LIMK1: variants seen among roughly 807,000 people sequenced by gnomAD.
LIMK1 encodes LIM domain kinase 1.
LIMK1 carries 21 observed loss-of-function variants against 77.6 expected under a neutral mutation model. The observed-to-expected ratio is 0.27, with a 90% CI of 0.19 to 0.39. The LOEUF (loss-of-function observed/expected upper bound fraction) is 0.39, where lower values mean the gene tolerates loss of function less well. Among genes scored for constraint, LIMK1 ranks in the 10% least tolerant of loss-of-function variants. LIMK1 has a pLI of 1.00. For missense variants in LIMK1, 696 were observed against 901.6 expected (o/e 0.77, Z 2.92); for synonymous variants, 358 against 370.0 (o/e 0.97, Z 0.37).
At chr7:74,086,076 C>T (rs782607490) in intron 2 of LIMK1, among the ~76,000 whole-genome samples, 5 of 152,328 alleles carry the variant, frequency 3.3e-5, no homozygotes, top group South Asian at 4.1e-4. Context: ...GACGGAGTCT[C>T]GCTCTGTCAC....
In LIMK1 at chr7:74,085,946, C is replaced by T. The variant is rs75180771; in HGVS notation, c.152+102C>T. ...GAGGCCGGGATATGCCTCCTGGTGC[C>T]GTCCCCTATTGTGACTTCGTGGCCT... On this transcript the variant is annotated intron_variant, in intron 2 of 15. Coordinates refer to ENST00000336180, the MANE Select transcript of LIMK1 (RefSeq NM_002314.4). 2,279 of 822,810 alleles carry T rather than the reference C, an allele frequency of 2.8e-3. 38 individuals carry two copies. In the African/African-American group the frequency reaches 0.033, roughly 12 times the overall value. 51.0% of individuals were successfully genotyped at this position (822,810 alleles called of 1,614,324 possible). A position where few individuals can be genotyped will look rare whatever the true frequency, so the allele number is the denominator to read the frequency against.
chr7:74,091,067 C>A (rs1218121022), intron 2 of LIMK1, among the ~76,000 whole-genome samples: 1 of 152,124 alleles, frequency 6.6e-6, no homozygotes, highest in Non-Finnish European at 1.5e-5. Context: ...GCGCCCACCA[C>A]CACACCCGGC....
At chr7:74,084,112 A>T in intron 1 of LIMK1, 67 bp downstream of exon 1, 1 of 891,028 alleles carries the variant, frequency 1.1e-6, no homozygotes, top group Non-Finnish European at 1.6e-6. Flanking sequence ...GGGGCACGGG[A>T]GGGGGCCGGG....
chr7:74,107,832 C>A, intron 8 of LIMK1, 39 bp from the exon 9 acceptor site: 2 of 1,520,034 alleles, frequency 1.3e-6, no homozygotes, highest in Non-Finnish European at 1.8e-6. Context: ...GGGCTTACAG[C>A]AGAGCTTCTG....
intron 2 of LIMK1, among the ~76,000 whole-genome samples, chr7:74,090,256 TC>T (rs1169303067): frequency 6.6e-6 from 1 of 151,794 alleles, no homozygotes; most frequent in African/African-American, 2.4e-5. Context: ...GCGCCTGTAA[TC>T]CCAGCTACTC....
rs1340072235 is a variant in LIMK1 at position 74,121,489 on chromosome 7, G to A, written c.*188G>A. On this transcript the variant is annotated 3_prime_UTR_variant, in exon 16 of 16. Transcript: ENST00000336180. ...CTTCTCTCTGCCGTGGCCCAGAGCC[G>A]GCCCAGCTGCACACACACACCATGC... The A allele has an allele frequency of 4.8e-5, 28 of 580,782 alleles. No individual in the cohort carries two copies. The highest frequency in any genetic ancestry group is 8.9e-5 in the East Asian group (3 of 33,710). 36.0% of individuals were successfully genotyped at this position (580,782 alleles called of 1,614,324 possible).
chr7:74,121,416 G>T lies in LIMK1; in HGVS notation c.*115G>T. Reference sequence around the variant, plus strand: ...GTGGGGACCCAGGCTTCTCCTCAGAGCCAGGCCCTGACTTGCCTTCTCCCA... The same window carrying T: ...GTGGGGACCCAGGCTTCTCCTCAGATCCAGGCCCTGACTTGCCTTCTCCCA... On this transcript the variant is annotated 3_prime_UTR_variant, in exon 16 of 16. Transcript: ENST00000336180. 1 of 1,120,060 alleles carries T rather than the reference G, an allele frequency of 8.9e-7. No homozygotes were observed. Among genetic ancestry groups the T allele is most frequent in the East Asian group, 2.6e-5 (1 of 38,386 alleles). The allele number at this position is 1,120,060 out of a possible 1,614,324, so 69.4% of individuals were successfully genotyped here. A position where few individuals can be genotyped will look rare whatever the true frequency, so the allele number is the denominator to read the frequency against.
intron 5 of LIMK1, among the ~76,000 whole-genome samples, chr7:74,100,632 G>A (rs948295911): frequency 5.9e-5 from 9 of 152,068 alleles, no homozygotes; most frequent in African/African-American, 1.4e-4. Flanking sequence ...GGCCAGGCTC[G>A]TTTCAAACTC....
At position 74,121,295 on chromosome 7, in the gene LIMK1, C is replaced by T. The variant is rs536008549; in HGVS notation, c.1938C>T (p.Pro646=). ...GACTGCCTGCCCACCCTGAGGTCCC[C>T]GACTGAGCCAGGGCCACTCAGCTGC... ...ESGLPAHPEV[P]D The change falls in exon 16 of 16, where the codon CCC becomes CCT. Residue 646 remains proline (P), a synonymous_variant. Transcript: ENST00000336180. 247 of 1,595,428 alleles carry T rather than the reference C, an allele frequency of 1.5e-4. No individual in the cohort carries two copies. The highest frequency in any genetic ancestry group is 2.0e-4 in the Non-Finnish European group (232 of 1,173,442).
chr7:74,112,584 G>A (rs1401283398), intron 12 of LIMK1, among the ~76,000 whole-genome samples: 2 of 152,162 alleles, frequency 1.3e-5, no homozygotes, highest in Non-Finnish European at 2.9e-5. Flanking sequence ...GGAGGCCGAG[G>A]TGGGTGGATC....
At chr7:74,091,034 C>T (rs1421483080) in intron 2 of LIMK1, among the ~76,000 whole-genome samples, 2 of 152,168 alleles carry the variant, frequency 1.3e-5, no homozygotes, top group African/African-American at 4.8e-5. Context: ...CTGCCTCAGC[C>T]TCCCAAGTAG....
chr7:74,097,396 CCAGG>C (rs1439055905), intron 4 of LIMK1, among the ~76,000 whole-genome samples: 2 of 152,216 alleles, frequency 1.3e-5, no homozygotes, highest in African/African-American at 4.8e-5. Context: ...CCTCAGACGG[CCAGG>C]CATGCTGGCT....
chr7:74,084,294 C>G (rs1283905984), intron 1 of LIMK1, among the ~76,000 whole-genome samples: 1 of 151,856 alleles, frequency 6.6e-6, no homozygotes, highest in African/African-American at 2.4e-5. Context: ...CACGTCCCCC[C>G]GCGAAGGACT....
At chr7:74,091,495 C>T (rs1799234494) in intron 2 of LIMK1, among the ~76,000 whole-genome samples, 1 of 152,146 alleles carries the variant, frequency 6.6e-6, no homozygotes, top group African/African-American at 2.4e-5. Flanking sequence ...CTGGCCTGGG[C>T]AACAGAGCGA....
At chr7:74,113,624 CA>C (rs1193175392) in intron 12 of LIMK1, among the ~76,000 whole-genome samples, 302 of 135,078 alleles carry the variant, frequency 2.2e-3, no homozygotes, top group Admixed American at 2.0e-3. Flanking sequence ...GACACCGTCT[CA>C]AAAAAAAAAA....
At chr7:74,094,781 C>G (rs1230229549) in intron 2 of LIMK1, among the ~76,000 whole-genome samples, 2 of 151,950 alleles carry the variant, frequency 1.3e-5, no homozygotes, top group African/African-American at 4.8e-5. Flanking sequence ...CTGCTGTGCA[C>G]CGAGTGGGGC....
At position 74,107,114 on chromosome 7, in the gene LIMK1, G is replaced by T; in HGVS notation, c.986G>T (p.Arg329Leu). The T allele has an allele frequency of 6.2e-7, 1 of 1,612,898 alleles. No homozygotes were observed. The highest frequency in any genetic ancestry group is 8.5e-7 in the Non-Finnish European group (1 of 1,179,878). The change falls in exon 8 of 16, where the codon CGG becomes CTG. Residue 329 changes from arginine (R) to leucine (L), a missense_variant. Physicochemically the swap from Arg to Leu is moderately radical, Grantham distance 102 (BLOSUM62 -2). This residue lies in a region of LIMK1 where 438 missense variants were observed against 602.3 expected (regional missense o/e 0.73). Transcript: ENST00000336180. Reference sequence around the variant, plus strand: ...TCTGAGTCCCTCCGCGTAGTCTGCCGGCCACACCGCATCTTCCGGCCGTCG... The same window carrying T: ...TCTGAGTCCCTCCGCGTAGTCTGCCTGCCACACCGCATCTTCCGGCCGTCG... The part of the protein sequence containing the change: ...GRSESLRVVC[R>L]PHRIFRPSDL...
Position 74,115,945 on chromosome 7 carries a change from T to A in LIMK1, c.1554T>A (p.Pro518=), listed in dbSNP as rs782645734. Residue 518 remains proline, a synonymous_variant, in exon 13 of 16, where the codon CCT becomes CCA. Transcript: ENST00000336180. ...TVVGNPYWMA[P]EMINGRSYDE... Reference sequence around the variant, plus strand: ...TGGGCAACCCCTACTGGATGGCACCTGAGATGATCAACGGTGAGTGGTTCA... The same window carrying A: ...TGGGCAACCCCTACTGGATGGCACCAGAGATGATCAACGGTGAGTGGTTCA... The A allele has an allele frequency of 5.0e-6, 8 of 1,605,864 alleles. No homozygotes were observed. In the African/African-American group the frequency reaches 1.1e-4, roughly 21 times the overall value.
chr7:74,120,458 G>A (rs112582353), intron 13 of LIMK1, 125 bp from the exon 14 acceptor site: 73 of 963,496 alleles, frequency 7.6e-5, no homozygotes, highest in Admixed American at 4.0e-4. Context: ...AGAGGTTGCC[G>A]GCATCTGCCT....
Sources: gnomAD v4.1 joint callset for allele counts (sites outside exome capture counted in the v4.1 genomes callset) on GRCh38, gnomAD v4.1.1 for gene constraint, gnomAD v4.1.1 regional missense constraint, MANE v1.5 for transcripts, NCBI Gene and HGNC (gene_info 2026-07-23, HGNC 2026-07-21) for gene names.